FOCAD: variants seen among roughly 807,000 people sequenced by gnomAD.
FOCAD encodes the protein focadhesin, also known as KIAA1797.
FOCAD carries 198 observed loss-of-function variants against 225.6 expected under a neutral mutation model. The ratio of observed to expected loss-of-function variants is 0.88; its 90% CI spans 0.78 to 0.99. FOCAD has a LOEUF of 0.99. Among genes scored for constraint, FOCAD ranks in the 50% least tolerant of loss-of-function variants. The pLI is 0.00. For missense variants in FOCAD, 2,713 were observed against 2,123.6 expected (o/e 1.28, Z -5.46); for synonymous variants, 897 against 755.0 (o/e 1.19, Z -3.08).
chr9:20,760,544 A>G (rs912549742), intron 6 of FOCAD, among the ~76,000 whole-genome samples: 11 of 152,184 alleles, frequency 7.2e-5, no homozygotes, highest in African/African-American at 2.7e-4. Context: ...ACTTACTGGT[A>G]TCTACTGTAC....
intron 1 of FOCAD, among the ~76,000 whole-genome samples, chr9:20,696,971 T>C (rs1034008614): frequency 6.6e-6 from 1 of 152,170 alleles, no homozygotes; most frequent in Non-Finnish European, 1.5e-5. Context: ...CACCATGTGA[T>C]GATGTGGCAC....
chr9:20,973,950 T>C (rs2132563523), intron 35 of FOCAD, among the ~76,000 whole-genome samples: 1 of 105,868 alleles, frequency 9.4e-6, no homozygotes, highest in Non-Finnish European at 2.1e-5. Context: ...TTTTCCTATG[T>C]TTCTCCTTTC....
At chr9:20,933,512 T>G (rs1683050004) in intron 28 of FOCAD, among the ~76,000 whole-genome samples, 1 of 152,210 alleles carries the variant, frequency 6.6e-6, no homozygotes, top group Non-Finnish European at 1.5e-5. Flanking sequence ...TCCAGATTGC[T>G]GTGAATGCCA....
chr9:20,761,022 G>GC (rs1563957019), intron 6 of FOCAD, among the ~76,000 whole-genome samples: 2 of 151,390 alleles, frequency 1.3e-5, no homozygotes, highest in African/African-American at 4.9e-5. Context: ...AGATTTTTTG[G>GC]GGGGGGGCGT....
intron 8 of FOCAD, among the ~76,000 whole-genome samples, chr9:20,775,809 C>T (rs1044938231): frequency 2.6e-5 from 4 of 151,964 alleles, no homozygotes; most frequent in African/African-American, 4.8e-5. Context: ...GGGACTCCTC[C>T]GACATCTGTG....
chr9:20,908,771 G>T (rs1833192363), intron 22 of FOCAD, among the ~76,000 whole-genome samples: 1 of 152,090 alleles, frequency 6.6e-6, no homozygotes, highest in Admixed American at 6.6e-5. Flanking sequence ...AAGATTGCAA[G>T]TCAGAGTATG....
intron 1 of FOCAD, among the ~76,000 whole-genome samples, chr9:20,702,664 A>G (rs147549038): frequency 1.3e-5 from 2 of 152,326 alleles, no homozygotes; most frequent in East Asian, 3.9e-4. Flanking sequence ...CCTGCCTGGC[A>G]CATGGTAAAA....
At chr9:20,819,677 A>G in intron 11 of FOCAD, 119 bp from the exon 12 acceptor site, 1 of 490,610 alleles carries the variant, frequency 2.0e-6, no homozygotes, top group Non-Finnish European at 3.5e-6. Flanking sequence ...GATATATTCT[A>G]AGTCTTCCAA....
At chr9:20,793,360 C>G (rs998268660) in intron 11 of FOCAD, among the ~76,000 whole-genome samples, 1 of 152,182 alleles carries the variant, frequency 6.6e-6, no homozygotes, top group Non-Finnish European at 1.5e-5. Context: ...AAGCTTTCAG[C>G]TGGCATTTGA....
At chr9:20,759,906 A>G (rs1297602170) in intron 6 of FOCAD, among the ~76,000 whole-genome samples, 1 of 152,210 alleles carries the variant, frequency 6.6e-6, no homozygotes, top group African/African-American at 2.4e-5. Flanking sequence ...CTGCCATTTG[A>G]GATAAAGTAT....
At chr9:20,736,349 A>G (rs1400463212) in intron 4 of FOCAD, among the ~76,000 whole-genome samples, 1 of 152,156 alleles carries the variant, frequency 6.6e-6, no homozygotes, top group Non-Finnish European at 1.5e-5. Flanking sequence ...TTGCTTCTCC[A>G]GTGGTTATGT....
At chr9:20,832,788 C>T (rs1307776807) in intron 15 of FOCAD, among the ~76,000 whole-genome samples, 2 of 151,968 alleles carry the variant, frequency 1.3e-5, no homozygotes, top group Non-Finnish European at 2.9e-5. Flanking sequence ...GACAGGACCT[C>T]CATTTTTAAG....
intron 15 of FOCAD, among the ~76,000 whole-genome samples, chr9:20,843,478 TG>T (rs1453485822): frequency 3.9e-5 from 6 of 152,144 alleles, no homozygotes; most frequent in African/African-American, 1.2e-4. Flanking sequence ...CTAGACTTAT[TG>T]GAACGATTTT....
rs568103388 is a variant in FOCAD, at chr9:20,926,512, G to A, written c.3078+95G>A. 43 of 777,288 alleles carry A rather than the reference G, an allele frequency of 5.5e-5. No individual in the cohort carries two copies. In the East Asian group the frequency reaches 7.3e-4, roughly 13 times the overall value. 48.1% of individuals were successfully genotyped at this position (777,288 alleles called of 1,614,324 possible). ...GAAATCGATTATATAGGCCAGGCGC[G>A]GTGGCTCACGCCTGTAATCCCAGCA... On this transcript the variant is annotated intron_variant, in intron 26 of 43. Coordinates refer to ENST00000338382, the MANE Select transcript of FOCAD (RefSeq NM_001375567.1).
intron 37 of FOCAD, among the ~76,000 whole-genome samples, chr9:20,979,610 A>G (rs1840512291): frequency 6.6e-6 from 1 of 152,158 alleles, no homozygotes; most frequent in Non-Finnish European, 1.5e-5. Flanking sequence ...AAGTGCTGGG[A>G]TTACAGGTGT....
chr9:20,746,112 T>C lies in FOCAD; in HGVS notation c.392+5772T>C, dbSNP rs553359189. On this transcript the variant is annotated intron_variant, in intron 5 of 43. Transcript: ENST00000338382. Reference sequence around the variant, plus strand: ...ATAGCAAGTCCAAGATAAATACTGATTTAAGTGCGCAAAGACCAGTGTGTG... The same window carrying C: ...ATAGCAAGTCCAAGATAAATACTGACTTAAGTGCGCAAAGACCAGTGTGTG... Among the ~76,000 whole-genome samples the C allele has an allele frequency of 1.1e-4, 16 of 152,312 alleles. No homozygotes were observed. In the South Asian group the frequency reaches 3.3e-3, roughly 32 times the overall value.
chr9:20,764,176 T>C (rs1408737993), intron 6 of FOCAD, among the ~76,000 whole-genome samples: 1 of 152,182 alleles, frequency 6.6e-6, no homozygotes, highest in African/African-American at 2.4e-5. Flanking sequence ...TCCTCACCTG[T>C]AGAGTTTTTC....
chr9:20,750,063 G>T (rs1243955794), intron 5 of FOCAD, among the ~76,000 whole-genome samples: 1 of 152,062 alleles, frequency 6.6e-6, no homozygotes, highest in Admixed American at 6.6e-5. Context: ...GAAATATTAG[G>T]TACCAACTCT....
chr9:20,937,818 G>T (rs1335114498), intron 28 of FOCAD, among the ~76,000 whole-genome samples: 1 of 152,102 alleles, frequency 6.6e-6, no homozygotes, highest in Non-Finnish European at 1.5e-5. Flanking sequence ...GAGAATTTTT[G>T]CAATCTACTC....
Sources: allele counts gnomAD v4.1 joint callset (sites outside exome capture counted in the v4.1 genomes callset), GRCh38; gene constraint gnomAD v4.1.1; transcripts MANE v1.5; gene names NCBI Gene and HGNC (gene_info 2026-07-23, HGNC 2026-07-21).